The following PCDH15 variants were observed in gnomAD, a reference collection of about 807,000 sequenced individuals.
PCDH15 encodes the protein protocadherin related 15.
PCDH15 carries 129 observed loss-of-function variants against 178.5 expected under a neutral mutation model. That is an observed-to-expected ratio of 0.72 (90% confidence interval 0.63 to 0.84). The LOEUF (loss-of-function observed/expected upper bound fraction) is 0.84, where lower values mean the gene tolerates loss of function less well. PCDH15 is among the 40% of genes least tolerant of loss of function. The probability of loss-of-function intolerance (pLI) is 0.00; values close to 1 mark genes in which losing one functional copy is unlikely to be tolerated. For synonymous variants in PCDH15, 800 were observed against 732.0 expected, an observed-to-expected ratio of 1.09 and a Z score of -1.50; for missense variants, 2,230 against 2,099.9, an observed-to-expected ratio of 1.06 and a Z score of -1.21.
At chr10:53,812,261 G>A (rs2075893738) in intron 35 of PCDH15, among the ~76,000 whole-genome samples, 1 of 152,192 alleles carries the variant, frequency 6.6e-6, no homozygotes, top group Non-Finnish European at 1.5e-5. Context: ...AGGCTGGAGT[G>A]CAGTGGCGTG....
intron 1 of PCDH15, among the ~76,000 whole-genome samples, chr10:54,727,290 C>T (rs909185355): frequency 3.3e-5 from 5 of 151,388 alleles, no homozygotes; most frequent in Admixed American, 6.6e-5. Context: ...AATCAATACA[C>T]GGGAGATCTC....
intron 14 of PCDH15, among the ~76,000 whole-genome samples, chr10:54,138,624 GGTCA>G (rs1421693457): frequency 6.6e-6 from 1 of 152,136 alleles, no homozygotes; most frequent in East Asian, 1.9e-4. Context: ...GGTCAGGCCT[GGTCA>G]GTATGTGATG....
In PCDH15 at chr10:55,087,844, T is replaced by A. The variant is rs188878275; in HGVS notation, c.-80+78732A>T. On this transcript the variant is annotated intron_variant, in intron 2 of 5. Coordinates refer to the PCDH15 transcript ENST00000458638. ...GGAAAAAAATAACAAATTCATAGTG[T>A]AATTCTACATGGTAGCCTAACATTA... Among the ~76,000 whole-genome samples the A allele has an allele frequency of 1.8e-3, 280 of 152,210 alleles. 2 individuals are homozygous for A. In the Middle Eastern group the frequency reaches 0.031, roughly 17 times the overall value.
intron 25 of PCDH15, chr10:53,907,073 G>A (rs142166073): frequency 9.2e-5 from 14 of 152,128 alleles, no homozygotes; most frequent in East Asian, 3.9e-4. Context: ...CTAGAACAGC[G>A]TTCTTTTTGA....
chr10:55,425,672 A>AC (rs551132699), intron 2 of PCDH15, among the ~76,000 whole-genome samples: 33,702 of 150,568 alleles, frequency 0.22, 4,247 homozygotes, highest in African/African-American at 0.35. Context: ...ACACACACAC[A>AC]AAAAAAAACA....
At chr10:53,906,348 A>G (rs2082681868) in intron 25 of PCDH15, among the ~76,000 whole-genome samples, 1 of 152,022 alleles carries the variant, frequency 6.6e-6, no homozygotes, top group South Asian at 2.1e-4. Flanking sequence ...TTCTTTCTAT[A>G]AATAACCTTT....
At chr10:55,466,161 T>C (rs537211128) in intron 2 of PCDH15, among the ~76,000 whole-genome samples, 1 of 152,222 alleles carries the variant, frequency 6.6e-6, no homozygotes, top group East Asian at 1.9e-4. Flanking sequence ...CCTAATTCGG[T>C]GAACTACAAA....
intron 8 of PCDH15, among the ~76,000 whole-genome samples, chr10:54,261,625 T>C (rs945636567): frequency 1.3e-5 from 2 of 151,728 alleles, no homozygotes; most frequent in Non-Finnish European, 2.9e-5. Flanking sequence ...TAAAGCAAGA[T>C]ACATTAAAAT....
chr10:54,173,484 G>A (rs897468740), intron 13 of PCDH15, among the ~76,000 whole-genome samples: 18 of 152,158 alleles, frequency 1.2e-4, no homozygotes, highest in Admixed American at 4.6e-4. Flanking sequence ...GAAGTACTAC[G>A]TTATAGGGAT....
chr10:55,011,997 C>A (rs1840057929), intron 2 of PCDH15, among the ~76,000 whole-genome samples: 1 of 151,980 alleles, frequency 6.6e-6, no homozygotes, highest in Admixed American at 6.6e-5. Context: ...ACAGGAAGAG[C>A]CAATTAAAAA....
intron 3 of PCDH15, among the ~76,000 whole-genome samples, chr10:54,401,964 A>G (rs1951989989): frequency 1.3e-5 from 2 of 151,918 alleles, no homozygotes; most frequent in Admixed American, 6.6e-5. Context: ...ACACATGAAT[A>G]TCCTCATTAA....
chr10:53,817,516 CTTTTTT>C (rs1244097701), intron 34 of PCDH15, among the ~76,000 whole-genome samples: 33 of 131,930 alleles, frequency 2.5e-4, no homozygotes, highest in Admixed American at 8.3e-4. Flanking sequence ...TTTTCTTTTT[CTTTTTT>C]TTTTCTTTTT....
In PCDH15 at chr10:54,904,616, G is replaced by A. The variant is rs146161547; in HGVS notation, c.-79-7116C>T. Among the ~76,000 whole-genome samples the A allele has an allele frequency of 5.3e-3, 806 of 152,106 alleles. 3 individuals carry two copies. Among genetic ancestry groups the A allele is most frequent in the Non-Finnish European group, 8.9e-3 (606 of 67,954 alleles). On this transcript the variant is annotated intron_variant, in intron 2 of 5. Coordinates refer to the PCDH15 transcript ENST00000458638. ...TAATGGATAGAAATATAAAGAGAGA[G>A]ACCTTTTGTCTCTCTGTGCCATCAG...
intron 8 of PCDH15, among the ~76,000 whole-genome samples, chr10:54,241,954 C>T (rs2055350827): frequency 6.8e-6 from 1 of 147,424 alleles, no homozygotes; most frequent in African/African-American, 2.5e-5. Flanking sequence ...ATTAGCTTTT[C>T]TGGAGACACA....
chr10:54,972,472 G>T (rs1187609858), intron 2 of PCDH15, among the ~76,000 whole-genome samples: 7 of 151,914 alleles, frequency 4.6e-5, no homozygotes, highest in African/African-American at 1.7e-4. Flanking sequence ...CCTGGGAGGC[G>T]GAGGTTGTAG....
intron 11 of PCDH15, among the ~76,000 whole-genome samples, chr10:54,193,117 A>G (rs1219454225): frequency 6.6e-6 from 1 of 152,206 alleles, no homozygotes; most frequent in Non-Finnish European, 1.5e-5. Flanking sequence ...GAGTTGAATT[A>G]TAAGTAGTGT....
At chr10:54,484,408 C>T (rs923108688) in intron 3 of PCDH15, among the ~76,000 whole-genome samples, 5 of 151,900 alleles carry the variant, frequency 3.3e-5, no homozygotes, top group South Asian at 2.1e-4. Flanking sequence ...CCCCAGTTAG[C>T]GTGTTTTCAC....
chr10:54,679,189 C>CAAAA (rs10709982), intron 1 of PCDH15, among the ~76,000 whole-genome samples: 87 of 70,864 alleles, frequency 1.2e-3, no homozygotes, highest in East Asian at 1.6e-3. Context: ...GACTCCGTCT[C>CAAAA]AAAAAAAAAA....
At chr10:55,512,836 T>G (rs1274645736) in intron 2 of PCDH15, 4 of 152,124 alleles carry the variant, frequency 2.6e-5, no homozygotes, top group African/African-American at 9.7e-5. Context: ...ATACAATTTC[T>G]TCCTCCTCTA....
Sources: allele counts gnomAD v4.1 joint callset (sites outside exome capture counted in the v4.1 genomes callset), GRCh38; gene constraint gnomAD v4.1.1; transcripts MANE v1.5; gene names NCBI Gene and HGNC (gene_info 2026-07-23, HGNC 2026-07-21).